SYT14: variants seen among roughly 807,000 people sequenced by gnomAD.
SYT14 encodes the protein synaptotagmin-14.
SYT14 carries 32 observed loss-of-function variants against 74.2 expected under a neutral mutation model. That is an observed-to-expected ratio of 0.43 (90% CI 0.33 to 0.58). SYT14 has a LOEUF of 0.58. SYT14 is among the 20% of genes least tolerant of loss of function. The pLI, the probability that SYT14 is intolerant of heterozygous loss-of-function variation, is 0.05. For synonymous variants in SYT14, 298 were observed against 337.7 expected (o/e 0.88, Z 1.29); for missense variants, 791 against 981.8 (o/e 0.81, Z 2.60).
intron 1 of SYT14, among the ~76,000 whole-genome samples, chr1:209,941,839 A>G (rs1441405848): frequency 6.6e-6 from 1 of 152,206 alleles, no homozygotes; most frequent in Admixed American, 6.5e-5. Flanking sequence ...TGGAGACACT[A>G]AAATTTAAGA....
At chr1:210,159,785 T>C (rs2102724827) in intron 9 of SYT14, among the ~76,000 whole-genome samples, 1 of 152,354 alleles carries the variant, frequency 6.6e-6, no homozygotes, top group South Asian at 2.1e-4. Context: ...TTAAAATTAA[T>C]TGAAATTTTG....
chr1:210,132,432 A>T (rs1233897816), intron 7 of SYT14, among the ~76,000 whole-genome samples: 3 of 152,036 alleles, frequency 2.0e-5, no homozygotes, highest in Non-Finnish European at 4.4e-5. Context: ...GTACATGTGC[A>T]GGTTTGTTGT....
At position 210,084,131 on chromosome 1, in the gene SYT14, A is replaced by G. The variant is rs114473241; in HGVS notation, c.1313-10191A>G. On this transcript the variant is annotated intron_variant, in intron 5 of 9. Transcript: ENST00000637265. Reference sequence around the variant, plus strand: ...GCGCCACTTGGTTTGCTGGGTCTCAAAGGTCAGGCGTAGAGCCTCCTCTAC... The same window carrying G: ...GCGCCACTTGGTTTGCTGGGTCTCAGAGGTCAGGCGTAGAGCCTCCTCTAC... 2.8e-3 allele frequency among the ~76,000 whole-genome samples: 419 copies of G among 152,268 alleles called. 2 individuals are homozygous for G. The highest frequency in any genetic ancestry group is 9.0e-3 in the African/African-American group (374 of 41,572).
intron 2 of SYT14, among the ~76,000 whole-genome samples, chr1:209,994,501 T>G (rs1206207986): frequency 6.6e-6 from 1 of 152,096 alleles, no homozygotes; most frequent in Non-Finnish European, 1.5e-5. Flanking sequence ...TGTAAAGTGA[T>G]TAAATCTAAG....
chr1:210,048,552 C>G (rs1354173800), intron 5 of SYT14, among the ~76,000 whole-genome samples: 1 of 152,154 alleles, frequency 6.6e-6, no homozygotes, highest in Non-Finnish European at 1.5e-5. Context: ...AGATGCACCC[C>G]CATAATTCAG....
exon 10 of SYT14, chr1:210,169,212 GTTT>G (rs1263455771): frequency 2.0e-5 from 1 of 50,776 alleles, no homozygotes; most frequent in Non-Finnish European, 4.6e-5. Context: ...TGGTTTTTAT[GTTT>G]TTGGTGTTTT....
chr1:210,057,707 T>C (rs1231198238), intron 5 of SYT14, among the ~76,000 whole-genome samples: 1 of 152,210 alleles, frequency 6.6e-6, no homozygotes, highest in Admixed American at 6.5e-5. Context: ...ACTTCTTGAG[T>C]TTCTTGAGTT....
At chr1:210,092,534 A>G (rs1455673077) in intron 5 of SYT14, among the ~76,000 whole-genome samples, 1 of 152,198 alleles carries the variant, frequency 6.6e-6, no homozygotes, top group Non-Finnish European at 1.5e-5. Context: ...GGTGGCAGCC[A>G]CACATACTTA....
chr1:210,136,328 G>A (rs1452706435), intron 7 of SYT14, among the ~76,000 whole-genome samples: 3 of 152,114 alleles, frequency 2.0e-5, no homozygotes, highest in African/African-American at 7.2e-5. Context: ...AAGGAGAAAG[G>A]GAACGGGGTC....
In SYT14 at chr1:210,000,466, G is replaced by GCACACACACACACACACACA. The variant is rs375046637; in HGVS notation, c.-485-13152_-485-13133dup. Among the ~76,000 whole-genome samples the GCACACACACACACACACACA allele has an allele frequency of 1.0e-3, 145 of 143,196 alleles. 1 individual carries two copies. The highest frequency in any genetic ancestry group is 3.5e-3 in the African/African-American group (134 of 37,854). The allele number at this position is 143,196 out of a possible 152,430, so 93.9% of individuals were successfully genotyped here. ...TTATTTTAGTCCTTTGTCCTCATAC[G>GCACACACACACACACACACA]CACACACACACACACACACACACAC... On this transcript the variant is annotated intron_variant, in intron 2 of 9. Transcript: ENST00000637265.
At chr1:210,147,851 C>G (rs998474371) in intron 7 of SYT14, among the ~76,000 whole-genome samples, 1 of 152,012 alleles carries the variant, frequency 6.6e-6, no homozygotes, top group Non-Finnish European at 1.5e-5. Flanking sequence ...TGAGCAAAGA[C>G]TTGAAAGAGG....
intron 7 of SYT14, among the ~76,000 whole-genome samples, chr1:210,145,880 T>G (rs2083022469): frequency 1.3e-5 from 2 of 152,196 alleles, no homozygotes; most frequent in Admixed American, 1.3e-4. Context: ...ACATATTTTC[T>G]CCCATAAAAT....
chr1:210,066,428 G>T (rs1228841004), intron 5 of SYT14, among the ~76,000 whole-genome samples: 1 of 152,182 alleles, frequency 6.6e-6, no homozygotes, highest in South Asian at 2.1e-4. Context: ...TCTAACTGGT[G>T]TGAGATGCTA....
In SYT14 at chr1:210,017,643, A is replaced by G. The variant is rs1227813371; in HGVS notation, c.1096+544A>G. Reference sequence around the variant, plus strand: ...ATTTTATATTACTGCCCTGTTTACAATAAGTATACGTGAATAATCTATTAT... The same window carrying G: ...ATTTTATATTACTGCCCTGTTTACAGTAAGTATACGTGAATAATCTATTAT... On this transcript the variant is annotated intron_variant, in intron 4 of 9. Coordinates refer to ENST00000637265, the Ensembl canonical transcript of SYT14. Among the ~76,000 whole-genome samples the G allele has an allele frequency of 4.6e-5, 7 of 152,306 alleles. No individual in the cohort carries two copies. The South Asian group carries it at 1.2e-3, about 27-fold the overall frequency.
intron 5 of SYT14, among the ~76,000 whole-genome samples, chr1:210,074,147 G>A (rs77006225): frequency 0.011 from 1,672 of 152,098 alleles, 41 homozygotes; most frequent in African/African-American, 0.038. Flanking sequence ...CCTACCTCAG[G>A]GGGTTACTGT....
intron 7 of SYT14, among the ~76,000 whole-genome samples, chr1:210,111,803 A>C (rs1422310283): frequency 6.6e-6 from 1 of 151,468 alleles, no homozygotes; most frequent in Non-Finnish European, 1.5e-5. Flanking sequence ...CAGGACATCC[A>C]ATTAGAGAGT....
At chr1:209,961,959 A>G (rs2079082000) in intron 2 of SYT14, among the ~76,000 whole-genome samples, 1 of 152,160 alleles carries the variant, frequency 6.6e-6, no homozygotes, top group South Asian at 2.1e-4. Flanking sequence ...AATCCTGATC[A>G]TGAATCTTTG....
At chr1:209,956,057 C>T (rs1031474372) in intron 2 of SYT14, among the ~76,000 whole-genome samples, 4 of 152,036 alleles carry the variant, frequency 2.6e-5, no homozygotes, top group African/African-American at 4.8e-5. Flanking sequence ...TCCCTTCTTT[C>T]AGATTGTAAG....
chr1:210,001,072 A>G (rs11119388), intron 2 of SYT14, among the ~76,000 whole-genome samples: 7,606 of 152,260 alleles, frequency 0.05, 1,032 homozygotes, highest in East Asian at 0.41. Context: ...TGTTGTTTTG[A>G]ATCCAGGGCA....
Sources: allele counts gnomAD v4.1 joint callset (sites outside exome capture counted in the v4.1 genomes callset), GRCh38; gene constraint gnomAD v4.1.1; transcripts MANE v1.5; gene names NCBI Gene and HGNC (gene_info 2026-07-23, HGNC 2026-07-21).